NTM: variants seen among roughly 807,000 people sequenced by gnomAD.
The protein encoded by NTM is IgLON family member 2.
NTM carries 13 observed loss-of-function variants against 42.1 expected under a neutral mutation model. That is an observed-to-expected ratio of 0.31 (90% CI 0.20 to 0.49). NTM has a LOEUF of 0.49. Among genes scored for constraint, NTM ranks in the 20% least tolerant of loss-of-function variants. The pLI, the probability that NTM is intolerant of heterozygous loss-of-function variation, is 0.99. For synonymous variants in NTM, 187 were observed against 179.2 expected (o/e 1.04, Z -0.35); for missense variants, 373 against 452.8 (o/e 0.82, Z 1.60).
At chr11:131,621,625 C>A (rs2062550250) in intron 1 of NTM, among the ~76,000 whole-genome samples, 1 of 116,402 alleles carries the variant, frequency 8.6e-6, no homozygotes, top group Non-Finnish European at 1.7e-5. Context: ...CATAGTAACA[C>A]CCTATCTTTA....
chr11:131,772,981 A>G (rs1323083039), intron 1 of NTM, among the ~76,000 whole-genome samples: 3 of 152,260 alleles, frequency 2.0e-5, no homozygotes, highest in Non-Finnish European at 4.4e-5. Context: ...GACATCATCC[A>G]CAATATGTTT....
chr11:131,911,429 G>T, intron 1 of NTM, 135 bp from the exon 2 acceptor site: 1 of 1,611,242 alleles, frequency 6.2e-7, no homozygotes, highest in South Asian at 1.1e-5. Flanking sequence ...TGCTCGCCCG[G>T]GGGGCGTGTG....
At chr11:131,403,600 G>C (rs1945482920) in intron 1 of NTM, among the ~76,000 whole-genome samples, 1 of 152,152 alleles carries the variant, frequency 6.6e-6, no homozygotes, top group Non-Finnish European at 1.5e-5. Context: ...AATTGCAAAT[G>C]GGTGTTTACT....
At chr11:132,270,258 A>C (rs1012130758) in intron 4 of NTM, among the ~76,000 whole-genome samples, 2 of 152,052 alleles carry the variant, frequency 1.3e-5, no homozygotes, top group African/African-American at 4.8e-5. Flanking sequence ...TTGAGACAGA[A>C]TCTCTCTCGT....
Position 132,180,164 on chromosome 11 carries a change from T to C in NTM, c.401-31858T>C, listed in dbSNP as rs141477325. Among the ~76,000 whole-genome samples the C allele has an allele frequency of 3.9e-3, 598 of 152,320 alleles. 9 individuals carry two copies. The highest frequency in any genetic ancestry group is 0.027 in the Admixed American group (406 of 15,286). ...TATGGGACTTCACATTCACTTTGTA[T>C]TGTGTATTCACAGTCTAATAAATTA... On this transcript the variant is annotated intron_variant, in intron 3 of 8. Coordinates refer to ENST00000683400, the MANE Select transcript of NTM (RefSeq NM_001352005.2).
chr11:131,527,577 G>A (rs1329814850), intron 1 of NTM, among the ~76,000 whole-genome samples: 1 of 152,152 alleles, frequency 6.6e-6, no homozygotes, highest in Non-Finnish European at 1.5e-5. Context: ...GGAGGAAAAA[G>A]CCTCATTATT....
rs1459438559 is a variant in NTM, at chr11:131,476,793, A to T, written c.82+105905A>T. Among the ~76,000 whole-genome samples the T allele has an allele frequency of 7.8e-4, 78 of 99,904 alleles. 2 individuals carry two copies. The highest frequency in any genetic ancestry group is 2.0e-5 in the Non-Finnish European group (1 of 50,304). 65.5% of individuals were successfully genotyped at this position (99,904 alleles called of 152,430 possible). A position where few individuals can be genotyped will look rare whatever the true frequency, so the allele number is the denominator to read the frequency against. On this transcript the variant is annotated intron_variant, in intron 1 of 8. Transcript: ENST00000683400. ...CCACCCCTTCTCCTACTCAGCCCACATAGGCGGAAAAGCTCTCTAATCTTT... is the reference window on the plus strand; with the variant it reads ...CCACCCCTTCTCCTACTCAGCCCACTTAGGCGGAAAAGCTCTCTAATCTTT...
rs77200932 is a variant in NTM, at chr11:131,673,211, T to C, written c.83-238353T>C. Among the ~76,000 whole-genome samples, 1,038 of 152,246 alleles carry C rather than the reference T, an allele frequency of 6.8e-3. 10 individuals carry two copies. The highest frequency in any genetic ancestry group is 0.024 in the African/African-American group (1,013 of 41,532). On this transcript the variant is annotated intron_variant, in intron 1 of 8. Transcript: ENST00000683400. Reference sequence around the variant, plus strand: ...GATCAAGAAGGTGACCCCAGAACCCTTGCTGTGTGCCCACTGGGGTACAGC... The same window carrying C: ...GATCAAGAAGGTGACCCCAGAACCCCTGCTGTGTGCCCACTGGGGTACAGC...
At chr11:131,961,129 C>T (rs2062122734) in intron 2 of NTM, among the ~76,000 whole-genome samples, 1 of 152,070 alleles carries the variant, frequency 6.6e-6, no homozygotes, top group Non-Finnish European at 1.5e-5. Flanking sequence ...CTATGCTGGC[C>T]TGGGGTTGCT....
chr11:131,758,270 G>A (rs12803998), intron 1 of NTM, among the ~76,000 whole-genome samples: 103 of 147,064 alleles, frequency 7.0e-4, no homozygotes, highest in African/African-American at 2.4e-3. Context: ...CCTCCCCCCC[G>A]CCAACCCCGC....
intron 1 of NTM, among the ~76,000 whole-genome samples, chr11:131,809,308 T>C (rs1031884246): frequency 5.3e-5 from 8 of 152,238 alleles, no homozygotes; most frequent in Admixed American, 2.0e-4. Context: ...GCCAGCTTTC[T>C]TGGGAGATCT....
intron 3 of NTM, among the ~76,000 whole-genome samples, chr11:132,200,824 G>T (rs774682471): frequency 1.3e-5 from 2 of 152,138 alleles, no homozygotes; most frequent in Non-Finnish European, 2.9e-5. Context: ...TATTACCTGA[G>T]TATCTCTTAA....
intron 1 of NTM, among the ~76,000 whole-genome samples, chr11:131,509,995 G>C (rs970241349): frequency 2.0e-5 from 3 of 152,200 alleles, no homozygotes; most frequent in Admixed American, 6.5e-5. Flanking sequence ...GGTGATCTCG[G>C]GGGTGGGCCA....
At chr11:131,892,056 A>C (rs528172768) in intron 1 of NTM, among the ~76,000 whole-genome samples, 1 of 152,294 alleles carries the variant, frequency 6.6e-6, no homozygotes, top group East Asian at 1.9e-4. Context: ...AGACGACTAA[A>C]TTTGAAACCA....
chr11:132,041,955 ATGT>A lies in NTM; in HGVS notation c.168-104322_168-104320del, dbSNP rs1014627300. On this transcript the variant is annotated intron_variant, in intron 2 of 8. Coordinates refer to ENST00000683400, the MANE Select transcript of NTM (RefSeq NM_001352005.2). ...GCTGTGAAACAATGACTATTGTTAT[ATGT>A]TGTTAGTGGTGTTGAGTTATCACTT... is the stretch of plus-strand genomic sequence containing the variant. Among the ~76,000 whole-genome samples, 3 of 152,222 alleles carry A rather than the reference ATGT, an allele frequency of 2.0e-5. No individual in the cohort carries two copies. The East Asian group carries it at 5.8e-4, about 29-fold the overall frequency.
At chr11:131,517,965 C>A (rs375097082) in intron 1 of NTM, among the ~76,000 whole-genome samples, 1 of 152,206 alleles carries the variant, frequency 6.6e-6, no homozygotes, top group Non-Finnish European at 1.5e-5. Flanking sequence ...CAGAAGGTGA[C>A]ATTCTGTCTG....
At chr11:132,228,949 T>G (rs2086887519) in intron 4 of NTM, among the ~76,000 whole-genome samples, 1 of 152,170 alleles carries the variant, frequency 6.6e-6, no homozygotes. Flanking sequence ...TAGGACCTTC[T>G]GGTAAGCCTG....
intron 1 of NTM, among the ~76,000 whole-genome samples, chr11:131,508,601 CATT>C (rs1297582957): frequency 1.3e-5 from 2 of 148,760 alleles, no homozygotes; most frequent in Non-Finnish European, 3.0e-5. Flanking sequence ...TTTATTGTGG[CATT>C]ATTCACAATA....
At chr11:131,653,838 G>C (rs1418181617) in intron 1 of NTM, among the ~76,000 whole-genome samples, 7 of 152,330 alleles carry the variant, frequency 4.6e-5, no homozygotes, top group Non-Finnish European at 7.3e-5. Context: ...TGATAATTGG[G>C]CTGGAAATTA....
Sources: gnomAD v4.1 joint callset for allele counts (sites outside exome capture counted in the v4.1 genomes callset) on GRCh38, gnomAD v4.1.1 for gene constraint, MANE v1.5 for transcripts, NCBI Gene and HGNC (gene_info 2026-07-23, HGNC 2026-07-21) for gene names.